The following DCDC1 variants were observed in gnomAD, a reference collection of about 807,000 sequenced individuals.
The protein encoded by DCDC1 is doublecortin domain containing 1.
Under a neutral mutation model 178.3 loss-of-function variants are expected in DCDC1, and 200 were observed. The ratio of observed to expected loss-of-function variants is 1.12; its 90% CI spans 1.00 to 1.26. The LOEUF is 1.26. Among genes scored for constraint, DCDC1 ranks in the 50% most tolerant of loss-of-function variants. DCDC1 has a pLI of 0.00. For synonymous variants in DCDC1, 690 were observed against 604.8 expected (o/e 1.14, Z -2.07); for missense variants, 1,983 against 1,749.2 (o/e 1.13, Z -2.38).
Position 31,009,994 on chromosome 11 carries a change from C to T in DCDC1, c.2591+54475G>A, listed in dbSNP as rs749121772. On this transcript the variant is annotated intron_variant, in intron 20 of 38. Transcript: ENST00000684477. The stretch of plus-strand genomic sequence containing the variant: ...TCACTATCATGAGAACAGCATGATT[C>T]AATTACCTCCCACTGGGTCCCTTGC... Among the ~76,000 whole-genome samples the T allele has an allele frequency of 3.3e-5, 5 of 152,140 alleles. No individual in the cohort carries two copies. In the East Asian group the frequency reaches 7.7e-4, roughly 24 times the overall value.
chr11:31,092,657 G>A (rs1565272900), intron 16 of DCDC1, among the ~76,000 whole-genome samples: 1 of 152,118 alleles, frequency 6.6e-6, no homozygotes, highest in Non-Finnish European at 1.5e-5. Context: ...GGAGATTTTA[G>A]ACAAGTACAT....
At chr11:31,088,607 A>C (rs1194666341) in intron 17 of DCDC1, among the ~76,000 whole-genome samples, 1 of 152,106 alleles carries the variant, frequency 6.6e-6, no homozygotes, top group Non-Finnish European at 1.5e-5. Flanking sequence ...TATTTCCATC[A>C]CACATTTTAT....
chr11:31,058,365 C>G (rs983344147), intron 20 of DCDC1, among the ~76,000 whole-genome samples: 3 of 152,132 alleles, frequency 2.0e-5, no homozygotes, highest in African/African-American at 7.2e-5. Flanking sequence ...TGTTCCGGCC[C>G]TGGAGGTACA....
intron 3 of DCDC1, among the ~76,000 whole-genome samples, chr11:31,321,485 G>C (rs1949349058): frequency 6.6e-6 from 1 of 152,002 alleles, no homozygotes; most frequent in African/African-American, 2.4e-5. Flanking sequence ...CGCTTCCCAG[G>C]TGAGGCAATG....
chr11:30,915,974 A>G (rs1945804085), intron 26 of DCDC1, among the ~76,000 whole-genome samples: 1 of 152,228 alleles, frequency 6.6e-6, no homozygotes, highest in Non-Finnish European at 1.5e-5. Context: ...TCGTTAGCAA[A>G]GAAAAAAGAA....
intron 9 of DCDC1, among the ~76,000 whole-genome samples, chr11:31,226,559 T>G (rs1334570609): frequency 6.6e-6 from 1 of 151,602 alleles, no homozygotes; most frequent in Non-Finnish European, 1.5e-5. Context: ...TACATAAAGA[T>G]GTACTAAGGT....
chr11:31,120,202 C>A lies in DCDC1; in HGVS notation c.1485+7267G>T, dbSNP rs563906116. 3.9e-5 allele frequency among the ~76,000 whole-genome samples: 6 copies of A among 152,256 alleles called. No homozygotes were observed. In the South Asian group the frequency reaches 1.2e-3, roughly 32 times the overall value. On this transcript the variant is annotated intron_variant, in intron 11 of 38. Transcript: ENST00000684477. ...ATCCCTTTAACAAAGCTTAAATTTA[C>A]TTACAATAGAAGAGAACACTATAAC...
intron 9 of DCDC1, among the ~76,000 whole-genome samples, chr11:31,239,484 T>C (rs925185416): frequency 2.0e-5 from 3 of 151,950 alleles, no homozygotes; most frequent in Admixed American, 2.0e-4. Flanking sequence ...ATACATAAAA[T>C]AGAGCACATC....
At chr11:31,219,964 A>G (rs1358874072) in intron 9 of DCDC1, among the ~76,000 whole-genome samples, 1 of 152,116 alleles carries the variant, frequency 6.6e-6, no homozygotes, top group Non-Finnish European at 1.5e-5. Context: ...ACCTGAAGCA[A>G]TCTGACTCCA....
Position 30,906,582 on chromosome 11 carries a change from C to G in DCDC1, c.4062G>C (p.Lys1354Asn). The G allele has an allele frequency of 6.2e-7, 1 of 1,613,258 alleles. No individual in the cohort carries two copies. Residue 1354 changes from lysine (K) to asparagine (N), a missense_variant, in exon 30 of 39, where the codon AAG becomes AAC. Lys to Asn is a moderately conservative substitution (Grantham distance 94). Coordinates refer to ENST00000684477, the MANE Select transcript of DCDC1 (RefSeq NM_001387274.1). ...CCTTGAAGGGCCCTTGTAAGAAGGG[C>G]TTCTGAGTCTTGGTGCCTGAAATAC... ...FLCISGTKTQ[K>N]PFLQGPFKVI... is the part of the protein sequence containing the mutation.
At chr11:31,165,873 T>G (rs1289583185) in intron 9 of DCDC1, among the ~76,000 whole-genome samples, 1 of 152,190 alleles carries the variant, frequency 6.6e-6, no homozygotes, top group Non-Finnish European at 1.5e-5. Context: ...ATTATTCATG[T>G]GCCCAGCTCA....
chr11:31,080,980 A>T (rs1359018625), intron 17 of DCDC1, among the ~76,000 whole-genome samples: 3 of 152,216 alleles, frequency 2.0e-5, no homozygotes, highest in Non-Finnish European at 4.4e-5. Context: ...TGTTGCCTTG[A>T]TGATGAATTA....
At chr11:31,329,799 T>C (rs995060065) in intron 2 of DCDC1, among the ~76,000 whole-genome samples, 1 of 152,230 alleles carries the variant, frequency 6.6e-6, no homozygotes, top group Non-Finnish European at 1.5e-5. Flanking sequence ...CAGTCTATCA[T>C]AGATGGACAT....
intron 8 of DCDC1, among the ~76,000 whole-genome samples, chr11:31,247,536 G>A (rs1235110170): frequency 1.3e-5 from 2 of 151,836 alleles, no homozygotes. Flanking sequence ...GTTCAGGGCT[G>A]GCCTTGTAAC....
intron 20 of DCDC1, among the ~76,000 whole-genome samples, chr11:31,025,079 G>A (rs975927892): frequency 6.6e-6 from 1 of 151,764 alleles, no homozygotes; most frequent in African/African-American, 2.4e-5. Flanking sequence ...GTTATCTATA[G>A]TAATTTCAAC....
At chr11:31,125,880 G>A (rs139664150) in intron 11 of DCDC1, among the ~76,000 whole-genome samples, 54 of 152,000 alleles carry the variant, frequency 3.6e-4, no homozygotes, top group South Asian at 4.1e-4. Context: ...TATGGCACAC[G>A]TTTACAAACC....
intron 25 of DCDC1, among the ~76,000 whole-genome samples, chr11:30,918,366 T>C (rs7939431): frequency 0.019 from 2,848 of 152,278 alleles, 83 homozygotes; most frequent in African/African-American, 0.064. Context: ...TTAATCAATA[T>C]TTATTGAACA....
chr11:31,308,720 T>G (rs368837793), intron 3 of DCDC1, among the ~76,000 whole-genome samples: 1 of 152,092 alleles, frequency 6.6e-6, no homozygotes, highest in African/African-American at 2.4e-5. Flanking sequence ...AGACACCAAG[T>G]TGGGAAGATG....
intron 20 of DCDC1, among the ~76,000 whole-genome samples, chr11:31,032,375 T>C (rs901823820): frequency 6.6e-6 from 1 of 152,188 alleles, no homozygotes; most frequent in Non-Finnish European, 1.5e-5. Flanking sequence ...TGTAGGAATA[T>C]TGTATTTCCT....
Sources: gnomAD v4.1 joint callset for allele counts (sites outside exome capture counted in the v4.1 genomes callset) on GRCh38, gnomAD v4.1.1 for gene constraint, MANE v1.5 for transcripts, NCBI Gene and HGNC (gene_info 2026-07-23, HGNC 2026-07-21) for gene names.